PGC: variants seen among roughly 807,000 people sequenced by gnomAD.
PGC encodes the protein gastricsin.
In PGC, 31 loss-of-function variants were observed where a neutral mutation model predicts 45.9. The observed-to-expected ratio is 0.67, with a 90% CI of 0.51 to 0.91. The LOEUF (loss-of-function observed/expected upper bound fraction) is 0.91, where lower values mean the gene tolerates loss of function less well. Ranked by LOEUF, PGC falls within the 40% of genes least tolerant of loss-of-function variation. The probability of loss-of-function intolerance (pLI) is 0.00; values close to 1 mark genes in which losing one functional copy is unlikely to be tolerated. For missense variants in PGC, 477 were observed against 493.2 expected (o/e 0.97, Z 0.31); for synonymous variants, 192 against 201.8 (o/e 0.95, Z 0.41).
chr6:41,744,372 C>T lies in PGC; in HGVS notation c.328+25G>A, dbSNP rs778258581. 2 of 1,532,438 alleles carry T rather than the reference C, an allele frequency of 1.3e-6. No homozygotes were observed. The highest frequency in any genetic ancestry group is 1.8e-6 in the Non-Finnish European group (2 of 1,114,286). The allele number at this position is 1,532,438 out of a possible 1,614,324, so 94.9% of individuals were successfully genotyped here. A position where few individuals can be genotyped will look rare whatever the true frequency, so the allele number is the denominator to read the frequency against. ...TCAGTGCCTTGCCCTGCCAACCACC[C>T]CTCTCTGCCCAGCCCAGCACTCACT... On this transcript the variant is annotated intron_variant, in intron 3 of 8. Transcript: ENST00000373025. This position sits in a 1 kb window ranked among gnomAD's most constrained non-coding sequence, Gnocchi z 4.4.
chr6:41,743,944 A>G (rs1057130354), intron 3 of PGC, among the ~76,000 whole-genome samples: 2 of 152,192 alleles, frequency 1.3e-5, no homozygotes, highest in African/African-American at 4.8e-5. Flanking sequence ...CAAAACCACT[A>G]TAGTACGGAG....
At chr6:41,739,313 C>T (rs1203745532) in intron 7 of PGC, among the ~76,000 whole-genome samples, 1 of 152,252 alleles carries the variant, frequency 6.6e-6, no homozygotes, top group African/African-American at 2.4e-5. Context: ...GCAACTGGCC[C>T]CGCCTGAACA....
intron 1 of PGC, among the ~76,000 whole-genome samples, chr6:41,746,436 T>G (rs1023324177): frequency 1.3e-5 from 2 of 152,218 alleles, no homozygotes; most frequent in African/African-American, 4.8e-5. Flanking sequence ...TTGGAACTTA[T>G]AAATCACCGT....
At chr6:41,743,600 T>C (rs1771873289) in intron 3 of PGC, among the ~76,000 whole-genome samples, 2 of 152,156 alleles carry the variant, frequency 1.3e-5, no homozygotes, top group Non-Finnish European at 2.9e-5. Context: ...ACTTACAGAA[T>C]CTTGGGATGC....
At position 41,743,273 on chromosome 6, in the gene PGC, T is replaced by C. The variant is rs1771865378; in HGVS notation, c.445A>G (p.Thr149Ala). 2 of 1,591,666 alleles carry C rather than the reference T, an allele frequency of 1.3e-6. No individual in the cohort carries two copies. Among genetic ancestry groups the C allele is most frequent in the South Asian group, 2.2e-5 (2 of 90,620 alleles). ...CTCCACTCCCCATGCCCACTCACAG[T>C]CAGGGTGTCATAGCCAAAGAAGCCG... ...LTGFFGYDTL[T>A]VQSIQVPNQE... Residue 149 changes from threonine (T) to alanine (A), a missense_variant and splice_region_variant, in exon 4 of 9, where the codon ACT becomes GCT. Physicochemically the swap from Thr to Ala is moderately conservative, Grantham distance 58 (BLOSUM62 0). Coordinates refer to ENST00000373025, the MANE Select transcript of PGC (RefSeq NM_002630.4).
Position 41,737,724 on chromosome 6 carries a change from A to G in PGC, c.1014+6T>C. On this transcript the variant is annotated splice_donor_region_variant and intron_variant, in intron 8 of 8. Coordinates refer to ENST00000373025, the MANE Select transcript of PGC (RefSeq NM_002630.4). ...GGTGGCTCAGCCTGCAGGGACCAGG[A>G]CTTACACTGAGGATATAGGAGGAAG... is the stretch of plus-strand genomic sequence containing the variant. 6.5e-7 allele frequency: 1 copy of G among 1,547,090 alleles called. No individual in the cohort carries two copies. The highest frequency in any genetic ancestry group is 8.9e-7 in the Non-Finnish European group (1 of 1,118,958).
intron 7 of PGC, 22 bp downstream of exon 7, chr6:41,739,777 G>C (rs373344323): frequency 6.3e-7 from 1 of 1,596,940 alleles, no homozygotes; most frequent in Non-Finnish European, 8.5e-7. Context: ...CTGGGGAAGA[G>C]AGACACCCTC....
intron 5 of PGC, 133 bp downstream of exon 5, chr6:41,742,157 G>C (rs1331491128): frequency 1.5e-5 from 12 of 820,170 alleles, no homozygotes; most frequent in Non-Finnish European, 2.2e-5. Context: ...GAAGGCCCTG[G>C]AGCAAGACTG....
In PGC at chr6:41,742,277, G is replaced by T. The variant is rs1271025565; in HGVS notation, c.647+13C>A. 6.2e-6 allele frequency: 10 copies of T among 1,611,824 alleles called. No homozygotes were observed. In the Middle Eastern group the frequency reaches 5.0e-4, roughly 81 times the overall value. ...CATCCCGGGAGGTGGGGACTGGCCA[G>T]CTGGTTGCTCACTTGCTGAGGTAGA... On this transcript the variant is annotated intron_variant, in intron 5 of 8. Coordinates refer to ENST00000373025, the MANE Select transcript of PGC (RefSeq NM_002630.4).
chr6:41,741,629 G>A (rs1771825295), intron 5 of PGC, among the ~76,000 whole-genome samples: 1 of 152,218 alleles, frequency 6.6e-6, no homozygotes, highest in South Asian at 2.1e-4. Flanking sequence ...CCGGGTGACA[G>A]AGTGAGACCC....
Position 41,744,329 on chromosome 6 carries a change from G to T in PGC, c.328+68C>A. 1 of 1,093,312 alleles carries T rather than the reference G, an allele frequency of 9.1e-7. No homozygotes were observed. Among genetic ancestry groups the T allele is most frequent in the Non-Finnish European group, 1.4e-6 (1 of 737,490 alleles). 67.7% of individuals were successfully genotyped at this position (1,093,312 alleles called of 1,614,324 possible). On this transcript the variant is annotated intron_variant, in intron 3 of 8. Transcript: ENST00000373025. The surrounding 1 kb of genome is among the most constrained non-coding windows in gnomAD (Gnocchi z 4.4). ...AGTCCTGAGCTCCCTCTGGAAGTTT[G>T]GCCCTCCCCAGAGGGTATCAGTGCC...
At chr6:41,745,896 C>G (rs1442572399) in intron 1 of PGC, among the ~76,000 whole-genome samples, 1 of 151,672 alleles carries the variant, frequency 6.6e-6, no homozygotes, top group African/African-American at 2.4e-5. Context: ...GGCACGGTAG[C>G]TCACGCCTGT....
chr6:41,739,156 C>T (rs959263099), intron 7 of PGC, among the ~76,000 whole-genome samples: 5 of 152,120 alleles, frequency 3.3e-5, no homozygotes, highest in Non-Finnish European at 7.3e-5. Context: ...AAGGGTCAGC[C>T]CTGGTTGCTC....
At chr6:41,739,551 T>G (rs1771783831) in intron 7 of PGC, among the ~76,000 whole-genome samples, 1 of 152,092 alleles carries the variant, frequency 6.6e-6, no homozygotes, top group Non-Finnish European at 1.5e-5. Context: ...ACCAAGTAGC[T>G]GGAACTACAG....
intron 5 of PGC, 152 bp downstream of exon 5, chr6:41,742,138 C>A: frequency 1.4e-6 from 1 of 722,982 alleles, no homozygotes; most frequent in Non-Finnish European, 2.3e-6. Flanking sequence ...CGAGAGGAAG[C>A]CCAGGAAGGA....
In PGC at chr6:41,747,319, C is replaced by T. The variant is rs1364763260; in HGVS notation, c.16G>A (p.Val6Met). MKWMVVVLVCLQLLEA... is the reference protein window; with the variant it reads MKWMVMVLVCLQLLEA... The stretch of plus-strand genomic sequence containing the variant: ...AAGAGCTGGAGGCAGACCAAGACCA[C>T]CACCATCCACTTCATGATGCTGGTC... Residue 6 changes from valine to methionine, a missense_variant, in exon 1 of 9, where the codon GTG (valine) becomes ATG (methionine). Transcript: ENST00000373025. The T allele has an allele frequency of 6.2e-7, 1 of 1,614,054 alleles. No homozygotes were observed. Among genetic ancestry groups the T allele is most frequent in the Non-Finnish European group, 8.5e-7 (1 of 1,179,914 alleles).
In PGC at chr6:41,738,253, T is replaced by TATATATATGCATATATATATAC. The variant is rs1561880063; in HGVS notation, c.916-426_916-425insGTATATATATATGCATATATAT. On this transcript the variant is annotated intron_variant, in intron 7 of 8. Transcript: ENST00000373025. Reference sequence around the variant, plus strand: ...ATATATATATGTATATATATATGCATATATATATATGCACACACACACACA... The same window carrying TATATATATGCATATATATATAC: ...ATATATATATGTATATATATATGCATATATATATGCATATATATATACATATATATATGCACACACACACACA... Among the ~76,000 whole-genome samples, 49 of 13,042 alleles carry TATATATATGCATATATATATAC rather than the reference T, an allele frequency of 3.8e-3. 4 individuals are homozygous for TATATATATGCATATATATATAC. Among genetic ancestry groups the TATATATATGCATATATATATAC allele is most frequent in the African/African-American group, 8.5e-3 (49 of 5,756 alleles). 8.6% of individuals were successfully genotyped at this position (13,042 alleles called of 152,430 possible).
At chr6:41,740,448 T>C in intron 6 of PGC, 43 bp downstream of exon 6, 1 of 1,577,650 alleles carries the variant, frequency 6.3e-7, no homozygotes, top group Non-Finnish European at 8.6e-7. Context: ...GGAAGCCCAC[T>C]CCAAGGAAGT....
rs757894460 is a variant in PGC at position 41,744,987 on chromosome 6, CTGT to C, written c.60-182_60-180del. On this transcript the variant is annotated intron_variant, in intron 1 of 8. Coordinates refer to ENST00000373025, the MANE Select transcript of PGC (RefSeq NM_002630.4). The surrounding 1 kb of genome is among the most constrained non-coding windows in gnomAD (Gnocchi z 4.4). Reference sequence around the variant, plus strand: ...CCTTTTGCTCTCTGTCTCTGTCTGTCTGTCTCTCTGTGTGTGTGTGTGTGTGTG... The same window carrying C: ...CCTTTTGCTCTCTGTCTCTGTCTGTCCTCTCTGTGTGTGTGTGTGTGTGTG... Among the ~76,000 whole-genome samples, 2 of 83,784 alleles carry C rather than the reference CTGT, an allele frequency of 2.4e-5. No homozygotes were observed. Among genetic ancestry groups the C allele is most frequent in the South Asian group, 7.3e-4 (2 of 2,744 alleles). 55.0% of individuals were successfully genotyped at this position (83,784 alleles called of 152,430 possible). A position where few individuals can be genotyped will look rare whatever the true frequency, so the allele number is the denominator to read the frequency against.
Sources: allele counts gnomAD v4.1 joint callset (sites outside exome capture counted in the v4.1 genomes callset), GRCh38; gene constraint gnomAD v4.1.1; non-coding constraint Gnocchi (gnomAD v3.1); transcripts MANE v1.5; gene names NCBI Gene and HGNC (gene_info 2026-07-23, HGNC 2026-07-21).